SPRY1: variants seen among roughly 807,000 people sequenced by gnomAD.
SPRY1 encodes sprouty RTK signaling antagonist 1.
A neutral mutation model predicts 22.6 loss-of-function variants in SPRY1; 20 were observed. The observed-to-expected ratio is 0.89, with a 90% CI of 0.62 to 1.29. The LOEUF (loss-of-function observed/expected upper bound fraction) is 1.29. Ranked by LOEUF, SPRY1 falls within the 50% of genes most tolerant of loss-of-function variation. The probability of loss-of-function intolerance (pLI) is 0.00; values close to 1 mark genes in which losing one functional copy is unlikely to be tolerated. For synonymous variants in SPRY1, 155 were observed against 144.7 expected (o/e 1.07, Z -0.51); for missense variants, 446 against 387.7 (o/e 1.15, Z -1.26).
At chr4:123,399,969 G>C (rs1725083508) in intron 2 of SPRY1, 1 of 152,206 alleles carries the variant, frequency 6.6e-6, no homozygotes, top group African/African-American at 2.4e-5. Flanking sequence ...TTCCCAGCCA[G>C]TATGAAGTTT....
intron 2 of SPRY1, chr4:123,400,255 G>C (rs969131271): frequency 1.3e-5 from 2 of 152,196 alleles, no homozygotes; most frequent in Non-Finnish European, 1.5e-5. Flanking sequence ...AGAGAGCTGA[G>C]TTGTGAAAAC....
In SPRY1 at chr4:123,402,428, C is replaced by G; in HGVS notation, c.837C>G (p.Cys279Trp). The G allele has an allele frequency of 6.2e-7, 1 of 1,614,116 alleles. No individual in the cohort carries two copies. The change falls in exon 3 of 3, where the codon TGC becomes TGG. Residue 279 changes from cysteine (C) to tryptophan (W), a missense_variant. Coordinates refer to ENST00000651917, the MANE Select transcript of SPRY1 (RefSeq NM_001258038.2). Reference sequence around the variant, plus strand: ...TCTGTTATCCTCCTGCTAAAGGATGCCTGAAGCTGTGCAGGAGGTGTTATG... The same window carrying G: ...TCTGTTATCCTCCTGCTAAAGGATGGCTGAAGCTGTGCAGGAGGTGTTATG... Reference protein sequence around the residue: ...CLLCYPPAKGCLKLCRRCYDW... With the variant: ...CLLCYPPAKGWLKLCRRCYDW...
chr4:123,402,543 CCAT>C lies in SPRY1; in HGVS notation c.956_958del (p.Ser319del). 6.2e-7 allele frequency: 1 copy of C among 1,602,230 alleles called. No individual in the cohort carries two copies. The highest frequency in any genetic ancestry group is 2.2e-5 in the East Asian group (1 of 44,572). ...CTGCCCCTCCCGGGGTCAGGGTAAA[CCAT>C]CATGATTTTTGGAGGTGGGTTGTAC... is the stretch of plus-strand genomic sequence containing the variant. On this transcript the variant is annotated inframe_deletion, in exon 3 of 3. Transcript: ENST00000651917.
In SPRY1 at chr4:123,401,986, A is replaced by G; in HGVS notation, c.395A>G (p.Glu132Gly). The G allele has an allele frequency of 6.2e-7, 1 of 1,614,146 alleles. No individual in the cohort carries two copies. Among genetic ancestry groups the G allele is most frequent in the East Asian group, 2.2e-5 (1 of 44,876 alleles). Reference sequence around the variant, plus strand: ...GGGAGCAACAGCAGTGCCTCTTCTGAACAGGGACTGTTAGGAAGGTCACCA... The same window carrying G: ...GGGAGCAACAGCAGTGCCTCTTCTGGACAGGGACTGTTAGGAAGGTCACCA... ...SSGSNSSASSEQGLLGRSPPT... is the reference protein window; with the variant it reads ...SSGSNSSASSGQGLLGRSPPT... Residue 132 changes from glutamate (E) to glycine (G), a missense_variant, in exon 3 of 3, where the codon GAA becomes GGA. Coordinates refer to ENST00000651917, the MANE Select transcript of SPRY1 (RefSeq NM_001258038.2).
intron 2 of SPRY1, among the ~76,000 whole-genome samples, chr4:123,401,033 C>G (rs563499504): frequency 7.2e-5 from 11 of 152,082 alleles, no homozygotes; most frequent in African/African-American, 2.6e-4. Flanking sequence ...TTTTTTAATG[C>G]CTTAATTTTT....
Position 123,402,681 on chromosome 4 carries a change from G to T in SPRY1, c.*130G>T. 2 of 1,216,758 alleles carry T rather than the reference G, an allele frequency of 1.6e-6. No homozygotes were observed. Among genetic ancestry groups the T allele is most frequent in the South Asian group, 1.6e-5 (1 of 62,982 alleles). 75.4% of individuals were successfully genotyped at this position (1,216,758 alleles called of 1,614,324 possible). On this transcript the variant is annotated 3_prime_UTR_variant, in exon 3 of 3. Transcript: ENST00000651917. ...CACCTTCTCTTCCCCTGTTGCCAAG[G>T]TCTAACTCATGGATTTTTCTCTTTC... is the stretch of plus-strand genomic sequence containing the variant.
Position 123,401,950 on chromosome 4 carries a change from C to T in SPRY1, c.359C>T (p.Ala120Val). The T allele has an allele frequency of 6.2e-7, 1 of 1,614,210 alleles. No individual in the cohort carries two copies. Among genetic ancestry groups the T allele is most frequent in the African/African-American group, 1.3e-5 (1 of 75,060 alleles). ...AGCAGATCAACCAGCACTGGAAGTG[C>T]AGCCAGCTCTGGGAGCAACAGCAGT... ...ILSRSTSTGSAASSGSNSSAS... is the reference protein window; with the variant it reads ...ILSRSTSTGSVASSGSNSSAS... The change falls in exon 3 of 3, where the codon GCA becomes GTA. Residue 120 changes from alanine (A) to valine (V), a missense_variant. Ala to Val is a moderately conservative substitution (Grantham distance 64, BLOSUM62 0). Coordinates refer to ENST00000651917, the MANE Select transcript of SPRY1 (RefSeq NM_001258038.2).
Position 123,401,828 on chromosome 4 carries a change from A to G in SPRY1, c.237A>G (p.Glu79=), listed in dbSNP as rs1165016015. 2.5e-6 allele frequency: 4 copies of G among 1,614,226 alleles called. No individual in the cohort carries two copies. Among genetic ancestry groups the G allele is most frequent in the African/African-American group, 2.7e-5 (2 of 75,042 alleles). Residue 79 remains glutamate, a synonymous_variant, in exon 3 of 3, where the codon GAA becomes GAG. Transcript: ENST00000651917. ...AAGAAAAGCATGAAAGGACTCATGA[A>G]ATCATACCAATTAATGTGAATAATA... ...PRQEKHERTH[E]IIPINVNNNY... is the part of the protein sequence containing the mutation.
intron 2 of SPRY1, among the ~76,000 whole-genome samples, chr4:123,399,293 T>C (rs924445973): frequency 4.0e-5 from 6 of 151,728 alleles, no homozygotes; most frequent in Admixed American, 6.6e-5. Flanking sequence ...GGAGACCCGC[T>C]TGAACCCGGG....
At chr4:123,401,339 T>A (rs570410913) in intron 2 of SPRY1, among the ~76,000 whole-genome samples, 198 bp from the exon 3 acceptor site, 2 of 152,294 alleles carry the variant, frequency 1.3e-5, no homozygotes, top group Admixed American at 1.3e-4. Context: ...TTGTTTATAG[T>A]CTTCCTCTAT....
chr4:123,398,046 C>G (rs1043439671), intron 2 of SPRY1, 190 bp downstream of exon 2: 1 of 152,128 alleles, frequency 6.6e-6, no homozygotes, highest in Non-Finnish European at 1.5e-5. Context: ...AGCCGCCATC[C>G]CTTCCTTCGT....
chr4:123,399,919 A>G (rs889295601), intron 2 of SPRY1: 13 of 152,104 alleles, frequency 8.5e-5, no homozygotes, highest in African/African-American at 2.9e-4. Context: ...GGAGGTGGCG[A>G]ATTTTCTTTG....
rs1725170391 is a variant in SPRY1, at chr4:123,401,860, A to G, written c.269A>G (p.Glu90Gly). ...IIPINVNNNY[E>G]HRHTSHLGHA... Reference sequence around the variant, plus strand: ...CCAATTAATGTGAATAATAACTACGAGCACAGACACACAAGCCACCTGGGA... The same window carrying G: ...CCAATTAATGTGAATAATAACTACGGGCACAGACACACAAGCCACCTGGGA... Residue 90 changes from glutamate to glycine, a missense_variant, in exon 3 of 3, where the codon GAG (glutamate) becomes GGG (glycine). Transcript: ENST00000651917. 1 of 1,614,218 alleles carries G rather than the reference A, an allele frequency of 6.2e-7. No individual in the cohort carries two copies. The highest frequency in any genetic ancestry group is 1.7e-5 in the Admixed American group (1 of 60,026).
rs1725263220 is a variant in SPRY1 at position 123,403,726 on chromosome 4, A to G, written c.*1175A>G. The G allele has an allele frequency of 6.0e-6, 1 of 167,082 alleles. No homozygotes were observed. Among genetic ancestry groups the G allele is most frequent in the Non-Finnish European group, 1.5e-5 (1 of 68,116 alleles). 10.3% of individuals were successfully genotyped at this position (167,082 alleles called of 1,614,324 possible). A position where few individuals can be genotyped will look rare whatever the true frequency, so the allele number is the denominator to read the frequency against. On this transcript the variant is annotated 3_prime_UTR_variant, in exon 3 of 3. Coordinates refer to ENST00000651917, the MANE Select transcript of SPRY1 (RefSeq NM_001258038.2). ...CACGAAGAAAGTACATATGTTAACT[A>G]TAATGCAGAAAATATATTAATTAAT...
chr4:123,397,079 T>A (rs1724942568), intron 1 of SPRY1, 147 bp downstream of exon 1: 1 of 152,196 alleles, frequency 6.6e-6, no homozygotes, highest in South Asian at 2.1e-4. Context: ...GCATTCCCAC[T>A]GCTAAAACTA....
intron 2 of SPRY1, among the ~76,000 whole-genome samples, chr4:123,400,961 T>C (rs1468077968): frequency 6.6e-6 from 1 of 152,248 alleles, no homozygotes; most frequent in Admixed American, 6.5e-5. Flanking sequence ...AAGGTAGTTT[T>C]AAAATTCTGA....
chr4:123,400,884 AG>A (rs1725119354), intron 2 of SPRY1, among the ~76,000 whole-genome samples: 1 of 152,110 alleles, frequency 6.6e-6, no homozygotes, highest in South Asian at 2.1e-4. Context: ...GTGTGTTTGT[AG>A]CTCCAAAACA....
Position 123,402,241 on chromosome 4 carries a change from A to C in SPRY1, c.650A>C (p.Glu217Ala). 6.2e-7 allele frequency: 1 copy of C among 1,614,218 alleles called. No homozygotes were observed. Among genetic ancestry groups the C allele is most frequent in the Non-Finnish European group, 8.5e-7 (1 of 1,180,038 alleles). ...QCLCSAESMV[E>A]YGTCMCLVKG... ...CTTTGCTCTGCTGAGAGCATGGTGG[A>C]ATATGGAACCTGCATGTGCTTAGTC... The change falls in exon 3 of 3, where the codon GAA (glutamate) becomes GCA (alanine). Residue 217 changes from glutamate (E) to alanine (A), a missense_variant. Transcript: ENST00000651917.
At position 123,402,185 on chromosome 4, in the gene SPRY1, A is replaced by T. The variant is rs1270660072; in HGVS notation, c.594A>T (p.Leu198=). ...KCGECTAPRT[L]PSCLACNRQC... ...GAGAATGCACTGCTCCCAGGACCCT[A>T]CCATCCTGTTTGGCCTGTAACCGGC... Residue 198 remains leucine, a synonymous_variant, in exon 3 of 3, where the codon CTA becomes CTT. Coordinates refer to ENST00000651917, the MANE Select transcript of SPRY1 (RefSeq NM_001258038.2). 1 of 1,614,202 alleles carries T rather than the reference A, an allele frequency of 6.2e-7. No homozygotes were observed. Among genetic ancestry groups the T allele is most frequent in the South Asian group, 1.1e-5 (1 of 91,088 alleles).
Sources: gnomAD v4.1 joint callset for allele counts (sites outside exome capture counted in the v4.1 genomes callset) on GRCh38, gnomAD v4.1.1 for gene constraint, MANE v1.5 for transcripts, NCBI Gene and HGNC (gene_info 2026-07-23, HGNC 2026-07-21) for gene names.